Variants in PLCL1 observed in about 807,000 individuals in gnomAD.
The protein encoded by PLCL1 is inactive phospholipase C-like protein 1.
PLCL1 carries 41 observed loss-of-function variants against 84.4 expected under a neutral mutation model. The ratio of observed to expected loss-of-function variants is 0.49; its 90% confidence interval spans 0.38 to 0.63. The LOEUF (loss-of-function observed/expected upper bound fraction) is 0.63. Ranked by LOEUF, PLCL1 falls within the 30% of genes least tolerant of loss-of-function variation. The probability of loss-of-function intolerance (pLI) is 0.00; values close to 1 mark genes in which losing one functional copy is unlikely to be tolerated. For synonymous variants in PLCL1, 490 were observed against 488.3 expected (o/e 1.00, Z -0.05); for missense variants, 1,206 against 1,367.8 (o/e 0.88, Z 1.87).
chr2:197,988,659 T>C (rs771150982), intron 1 of PLCL1, among the ~76,000 whole-genome samples: 1 of 152,200 alleles, frequency 6.6e-6, no homozygotes, highest in Non-Finnish European at 1.5e-5. Flanking sequence ...ATCTTTGCAA[T>C]TGTGAATTGT....
At chr2:197,858,790 C>G (rs781231938) in intron 1 of PLCL1, among the ~76,000 whole-genome samples, 1 of 152,140 alleles carries the variant, frequency 6.6e-6, no homozygotes, top group East Asian at 1.9e-4. Context: ...AGCCCTTCAG[C>G]CTGGGCTCTG....
At chr2:198,142,232 T>G (rs950458187) in intron 5 of PLCL1, among the ~76,000 whole-genome samples, 1 of 152,174 alleles carries the variant, frequency 6.6e-6, no homozygotes, top group African/African-American at 2.4e-5. Context: ...AAAGATAATT[T>G]ATATTTAGAA....
rs539024229 is a variant in PLCL1, at chr2:197,961,837, C to T, written c.241-121921C>T. On this transcript the variant is annotated intron_variant, in intron 1 of 5. Transcript: ENST00000428675. Reference sequence around the variant, plus strand: ...GGAACAAAGGATGAGATATTTCCTGCCTCTTCAACTGAGGTAAAGAATGGA... The same window carrying T: ...GGAACAAAGGATGAGATATTTCCTGTCTCTTCAACTGAGGTAAAGAATGGA... Among the ~76,000 whole-genome samples the T allele has an allele frequency of 5.3e-5, 8 of 152,052 alleles. No homozygotes were observed. In the South Asian group the frequency reaches 1.7e-3, roughly 32 times the overall value.
Position 198,085,202 on chromosome 2 carries a change from C to T in PLCL1, c.1685C>T (p.Ala562Val). 6.2e-7 allele frequency: 1 copy of T among 1,613,894 alleles called. No individual in the cohort carries two copies. The highest frequency in any genetic ancestry group is 1.3e-5 in the African/African-American group (1 of 74,996). ...GAAGTAACAGATGAAGATGAAGAAG[C>T]TGAAATGTCTCGAAGGATGTCGGTA... ...EGEVTDEDEE[A>V]EMSRRMSVDY... The change falls in exon 2 of 6, where the codon GCT becomes GTT. Residue 562 changes from alanine (A) to valine (V), a missense_variant. Transcript: ENST00000428675. This position sits in a 1 kb window ranked among gnomAD's most constrained non-coding sequence, Gnocchi z 5.3.
chr2:198,099,116 G>A (rs1179720616), intron 3 of PLCL1, among the ~76,000 whole-genome samples: 1 of 152,164 alleles, frequency 6.6e-6, no homozygotes, highest in African/African-American at 2.4e-5. Flanking sequence ...TGAGACATCA[G>A]ATATGTAAAT....
intron 1 of PLCL1, among the ~76,000 whole-genome samples, chr2:198,024,411 G>GA (rs11450711): frequency 0.2 from 30,737 of 151,394 alleles, 3,207 homozygotes; most frequent in East Asian, 0.26. Context: ...TTAAAAAAAG[G>GA]AAAAAAAAGC....
chr2:197,923,141 C>T (rs1397978650), intron 1 of PLCL1, among the ~76,000 whole-genome samples: 2 of 144,080 alleles, frequency 1.4e-5, no homozygotes, highest in Admixed American at 6.8e-5. Flanking sequence ...TCCTCACTTC[C>T]CAGTAGGGGC....
At chr2:198,146,708 T>C (rs1394844416) in intron 5 of PLCL1, 72 bp from the exon 6 acceptor site, 2 of 1,290,482 alleles carry the variant, frequency 1.5e-6, no homozygotes, top group African/African-American at 1.5e-5. Flanking sequence ...AGTAAGAACA[T>C]AGAGTGATGT....
At chr2:198,008,518 T>C (rs1690787107) in intron 1 of PLCL1, among the ~76,000 whole-genome samples, 1 of 151,386 alleles carries the variant, frequency 6.6e-6, no homozygotes, top group Non-Finnish European at 1.5e-5. Flanking sequence ...ATTCTTATTG[T>C]AGCATGTGAC....
intron 1 of PLCL1, among the ~76,000 whole-genome samples, chr2:198,042,118 G>A (rs555146574): frequency 6.6e-6 from 1 of 152,272 alleles, no homozygotes; most frequent in East Asian, 1.9e-4. Flanking sequence ...TTCTGGAAAT[G>A]TTTTTGTTCT....
At chr2:198,030,450 A>G (rs1425280891) in intron 1 of PLCL1, among the ~76,000 whole-genome samples, 4 of 152,282 alleles carry the variant, frequency 2.6e-5, no homozygotes, top group Admixed American at 6.5e-5. Context: ...AGTTGGGGAA[A>G]GGAAGATAAA....
intron 1 of PLCL1, among the ~76,000 whole-genome samples, chr2:197,934,501 T>C (rs1185175308): frequency 6.6e-6 from 1 of 152,194 alleles, no homozygotes; most frequent in Non-Finnish European, 1.5e-5. Flanking sequence ...GGTTTCTTTT[T>C]TTCTCTCTCA....
chr2:197,870,422 C>G (rs1344588135), intron 1 of PLCL1, among the ~76,000 whole-genome samples: 1 of 151,748 alleles, frequency 6.6e-6, no homozygotes, highest in East Asian at 1.9e-4. Flanking sequence ...CGTTAAGAGT[C>G]CCACCCACCC....
chr2:198,020,804 C>G (rs890384865), intron 1 of PLCL1, among the ~76,000 whole-genome samples: 1 of 152,112 alleles, frequency 6.6e-6, no homozygotes, highest in Non-Finnish European at 1.5e-5. Flanking sequence ...TAGTGGGAGA[C>G]TTTAACATCC....
At position 198,032,764 on chromosome 2, in the gene PLCL1, A is replaced by G. The variant is rs190227035; in HGVS notation, c.241-50994A>G. On this transcript the variant is annotated intron_variant, in intron 1 of 5. Transcript: ENST00000428675. Reference sequence around the variant, plus strand: ...TTACCTTAAGGTTATAAGATCAAATAAGAACATACTACAAAGAGCTTTGTA... The same window carrying G: ...TTACCTTAAGGTTATAAGATCAAATGAGAACATACTACAAAGAGCTTTGTA... Among the ~76,000 whole-genome samples, 100 of 152,336 alleles carry G rather than the reference A, an allele frequency of 6.6e-4. 3 individuals carry two copies. In the South Asian group the frequency reaches 0.013, roughly 21 times the overall value.
At chr2:198,012,058 G>C (rs1274558060) in intron 1 of PLCL1, among the ~76,000 whole-genome samples, 1 of 151,982 alleles carries the variant, frequency 6.6e-6, no homozygotes, top group Non-Finnish European at 1.5e-5. Context: ...GTATGAGACA[G>C]AACACTCAAA....
chr2:197,858,455 C>T (rs183619368), intron 1 of PLCL1, among the ~76,000 whole-genome samples: 2 of 152,230 alleles, frequency 1.3e-5, no homozygotes, highest in East Asian at 3.9e-4. Context: ...CGCGTTCTCC[C>T]TTATGCGGGG....
At chr2:197,882,737 T>TTA (rs1687853089) in intron 1 of PLCL1, among the ~76,000 whole-genome samples, 2 of 152,340 alleles carry the variant, frequency 1.3e-5, no homozygotes, top group Middle Eastern at 3.4e-3. Flanking sequence ...GGTAAGACTG[T>TTA]TAAAAGCAGC....
intron 1 of PLCL1, among the ~76,000 whole-genome samples, chr2:198,074,074 C>A (rs187651921): frequency 1.6e-4 from 25 of 152,238 alleles, no homozygotes; most frequent in African/African-American, 5.3e-4. Flanking sequence ...GAACTGATTT[C>A]ATTTCTAAGA....
Sources: gnomAD v4.1 joint callset for allele counts (sites outside exome capture counted in the v4.1 genomes callset) on GRCh38, gnomAD v4.1.1 for gene constraint, Gnocchi (gnomAD v3.1) non-coding constraint, MANE v1.5 for transcripts, NCBI Gene and HGNC (gene_info 2026-07-23, HGNC 2026-07-21) for gene names.